The following ARHGEF4 variants were observed in gnomAD, a reference collection of about 807,000 sequenced individuals.
The protein encoded by ARHGEF4 is Rho guanine nucleotide exchange factor 4.
A neutral mutation model predicts 162.0 loss-of-function variants in ARHGEF4; 119 were observed. That is an observed-to-expected ratio of 0.73 (90% confidence interval 0.63 to 0.86). The LOEUF is 0.86. ARHGEF4 is among the 40% of genes least tolerant of loss of function. The pLI, the probability that ARHGEF4 is intolerant of heterozygous loss-of-function variation, is 0.00. For synonymous variants in ARHGEF4, 1,014 were observed against 979.9 expected (o/e 1.03, Z -0.65); for missense variants, 2,488 against 2,456.0 (o/e 1.01, Z -0.28).
intron 1 of ARHGEF4, among the ~76,000 whole-genome samples, chr2:130,890,838 C>T (rs1221559742): frequency 6.6e-6 from 1 of 152,068 alleles, no homozygotes; most frequent in East Asian, 1.9e-4. Flanking sequence ...AGGCACTTTG[C>T]ATTTATTATC....
rs549219714 is a variant in ARHGEF4 at position 131,047,143 on chromosome 2, G to C, written c.*954G>C. The C allele has an allele frequency of 1.3e-5, 2 of 152,394 alleles. No individual in the cohort carries two copies. The highest frequency in any genetic ancestry group is 4.8e-5 in the African/African-American group (2 of 41,474). 9.4% of individuals were successfully genotyped at this position (152,394 alleles called of 1,614,324 possible). Reference sequence around the variant, plus strand: ...GCCAGGAGCAGAGCCAGGGCCTGGCGAGCTGGCGTGGAGCCCACAGGATTC... The same window carrying C: ...GCCAGGAGCAGAGCCAGGGCCTGGCCAGCTGGCGTGGAGCCCACAGGATTC... On this transcript the variant is annotated 3_prime_UTR_variant, in exon 14 of 14. Transcript: ENST00000409359.
intron 1 of ARHGEF4, among the ~76,000 whole-genome samples, chr2:130,898,249 G>T (rs186345918): frequency 3.9e-5 from 6 of 152,296 alleles, no homozygotes; most frequent in Admixed American, 2.0e-4. Flanking sequence ...AGCCAACCTT[G>T]TGCAGCTGGC....
chr2:130,840,190 A>G lies in ARHGEF4; in HGVS notation c.39+3198A>G, dbSNP rs148286766. On this transcript the variant is annotated intron_variant, in intron 1 of 13. Transcript: ENST00000409359. The stretch of plus-strand genomic sequence containing the variant: ...ATACACACTTGGGACACACAGGCAC[A>G]CACACAGACACACAGGTGTACACAC... Among the ~76,000 whole-genome samples the G allele has an allele frequency of 9.0e-4, 137 of 152,202 alleles. 3 individuals carry two copies. In the East Asian group the frequency reaches 0.022, roughly 25 times the overall value.
At chr2:130,979,584 A>C (rs981172815) in intron 4 of ARHGEF4, among the ~76,000 whole-genome samples, 1 of 151,988 alleles carries the variant, frequency 6.6e-6, no homozygotes, top group Admixed American at 6.6e-5. Context: ...AAAACTACAA[A>C]AATTAGATGG....
At chr2:130,903,536 G>A (rs1680635859) in intron 1 of ARHGEF4, among the ~76,000 whole-genome samples, 1 of 152,160 alleles carries the variant, frequency 6.6e-6, no homozygotes. Context: ...GGGATTACAG[G>A]CGTGAGCCAC....
intron 4 of ARHGEF4, among the ~76,000 whole-genome samples, chr2:131,022,832 T>G (rs1689221650): frequency 6.6e-6 from 1 of 151,792 alleles, no homozygotes; most frequent in South Asian, 2.1e-4. Context: ...TTGAACATTA[T>G]AACAATTTTA....
intron 4 of ARHGEF4, among the ~76,000 whole-genome samples, chr2:130,988,937 A>AG (rs1553437079): frequency 3.4e-4 from 36 of 104,538 alleles, no homozygotes; most frequent in African/African-American, 1.4e-3. Context: ...GAGAGAGAGA[A>AG]AGATTCCAAA....
At chr2:130,998,147 T>C (rs565891528) in intron 4 of ARHGEF4, among the ~76,000 whole-genome samples, 1 of 152,354 alleles carries the variant, frequency 6.6e-6, no homozygotes, top group Non-Finnish European at 1.5e-5. Context: ...CTTTTTCACA[T>C]AGTGCCATAC....
rs183795016 is a variant in ARHGEF4 at position 130,887,208 on chromosome 2, G to A, written c.40-26778G>A. Among the ~76,000 whole-genome samples, 402 of 152,006 alleles carry A rather than the reference G, an allele frequency of 2.6e-3. 4 individuals are homozygous for A. Among genetic ancestry groups the A allele is most frequent in the Middle Eastern group, 0.01 (3 of 294 alleles). The stretch of plus-strand genomic sequence containing the variant: ...GAGCTGGGCATGGTGGCATGTGTCT[G>A]TAGTCCCAGCTACTTGGGAGGCTGA... On this transcript the variant is annotated intron_variant, in intron 1 of 13. Coordinates refer to ENST00000409359, the MANE Select transcript of ARHGEF4 (RefSeq NM_001367493.1).
chr2:131,039,847 C>T (rs1690624009), intron 6 of ARHGEF4, 169 bp from the exon 7 acceptor site: 3 of 1,427,148 alleles, frequency 2.1e-6, no homozygotes, highest in East Asian at 5.3e-5. Context: ...TTCCTCGGTC[C>T]AGGACTTGCG....
chr2:130,938,441 G>C (rs57267954), intron 3 of ARHGEF4, among the ~76,000 whole-genome samples: 87,632 of 152,028 alleles, frequency 0.58, 29,657 homozygotes, highest in East Asian at 0.84. Context: ...AAATATTTTC[G>C]TGTGCATATT....
At chr2:130,994,828 TG>T (rs1196748688) in intron 4 of ARHGEF4, among the ~76,000 whole-genome samples, 2 of 152,244 alleles carry the variant, frequency 1.3e-5, no homozygotes, top group African/African-American at 4.8e-5. Flanking sequence ...CCTTGCATTT[TG>T]TGTATAGAAG....
At chr2:130,963,601 G>C (rs1307758675) in intron 4 of ARHGEF4, 1 of 148,342 alleles carries the variant, frequency 6.7e-6, no homozygotes, top group Non-Finnish European at 1.5e-5. Flanking sequence ...GCGGCACCGA[G>C]GACGACCCGG....
intron 4 of ARHGEF4, among the ~76,000 whole-genome samples, chr2:130,991,585 C>A (rs112801537): frequency 0.036 from 5,432 of 152,330 alleles, 360 homozygotes; most frequent in African/African-American, 0.12. Context: ...GAATTAGCAC[C>A]CGGGCCAGCG....
chr2:131,021,462 C>T (rs928450999), intron 4 of ARHGEF4, among the ~76,000 whole-genome samples: 1 of 152,046 alleles, frequency 6.6e-6, no homozygotes, highest in African/African-American at 2.4e-5. Flanking sequence ...TTCCTTACAC[C>T]TTATACAAAA....
chr2:130,885,234 A>C (rs1194331387), intron 1 of ARHGEF4, among the ~76,000 whole-genome samples: 8 of 152,226 alleles, frequency 5.3e-5, no homozygotes, highest in Non-Finnish European at 7.3e-5. Flanking sequence ...GCTCTGAGGG[A>C]CAGTCTTGTC....
chr2:131,032,992 A>G (rs1368203599), intron 5 of ARHGEF4, among the ~76,000 whole-genome samples: 1 of 151,168 alleles, frequency 6.6e-6, no homozygotes, highest in East Asian at 2.0e-4. Context: ...AGCTGGGACT[A>G]CAGGCACATG....
At chr2:130,886,927 C>A (rs1679561556) in intron 1 of ARHGEF4, among the ~76,000 whole-genome samples, 1 of 151,754 alleles carries the variant, frequency 6.6e-6, no homozygotes, top group Non-Finnish European at 1.5e-5. Context: ...GTGGCACCAA[C>A]AAAGCAATCT....
In ARHGEF4 at chr2:131,041,803, G is replaced by A. The variant is rs754588747; in HGVS notation, c.4896-12G>A. On this transcript the variant is annotated splice_polypyrimidine_tract_variant and intron_variant, in intron 9 of 13. Transcript: ENST00000409359. ...CAGCCTGCAGCAGCCTTCCATCTCT[G>A]TTCTGCCCCAGGGACTTCAAGGATG... is the stretch of plus-strand genomic sequence containing the variant. 2 of 1,612,268 alleles carry A rather than the reference G, an allele frequency of 1.2e-6. No homozygotes were observed. The highest frequency in any genetic ancestry group is 2.2e-5 in the South Asian group (2 of 90,970).
Sources: allele counts gnomAD v4.1 joint callset (sites outside exome capture counted in the v4.1 genomes callset), GRCh38; gene constraint gnomAD v4.1.1; transcripts MANE v1.5; gene names NCBI Gene and HGNC (gene_info 2026-07-23, HGNC 2026-07-21).